ZNF354B: variants seen among roughly 807,000 people sequenced by gnomAD.
ZNF354B encodes the protein zinc finger protein 354B.
A neutral mutation model predicts 12.9 loss-of-function variants in ZNF354B; 10 were observed. That is an observed-to-expected ratio of 0.77 (90% CI 0.48 to 1.31). The LOEUF (loss-of-function observed/expected upper bound fraction) is 1.31, where lower values mean the gene tolerates loss of function less well. ZNF354B is among the 40% of genes most tolerant of loss of function. ZNF354B has a pLI of 0.00. For synonymous variants in ZNF354B, 260 were observed against 243.7 expected (o/e 1.07, Z -0.62); for missense variants, 614 against 711.7 (o/e 0.86, Z 1.56).
chr5:178,861,625 G>A (rs1460602191), intron 2 of ZNF354B, among the ~76,000 whole-genome samples: 1 of 151,954 alleles, frequency 6.6e-6, no homozygotes, highest in Admixed American at 6.6e-5. Context: ...TAGTTGAGAC[G>A]AGAGTGAACA....
chr5:178,883,833 A>G lies in ZNF354B; in HGVS notation c.1381A>G (p.Thr461Ala). 1 of 1,614,176 alleles carries G rather than the reference A, an allele frequency of 6.2e-7. No individual in the cohort carries two copies. The highest frequency in any genetic ancestry group is 1.1e-5 in the South Asian group (1 of 91,082). ...ACTTATTATTCATGAGCGAATTCAT[A>G]CTGGAGAAAAACCATGTAAATGTAA... Reference protein sequence around the residue: ...STLIIHERIHTGEKPCKCKVC... With the variant: ...STLIIHERIHAGEKPCKCKVC... Residue 461 changes from threonine (T) to alanine (A), a missense_variant, in exon 5 of 5, where the codon ACT becomes GCT. Thr to Ala is a moderately conservative substitution (Grantham distance 58, BLOSUM62 0). Coordinates refer to ENST00000322434, the MANE Select transcript of ZNF354B (RefSeq NM_058230.3).
At chr5:178,880,634 C>T (rs890729500) in intron 4 of ZNF354B, among the ~76,000 whole-genome samples, 60 of 151,732 alleles carry the variant, frequency 4.0e-4, no homozygotes, top group African/African-American at 1.4e-3. Flanking sequence ...GCCAGGACTG[C>T]AGATGAGTGC....
At position 178,876,418 on chromosome 5, in the gene ZNF354B, C is replaced by T. The variant is rs765180769; in HGVS notation, c.257-6291C>T. 1.3e-5 allele frequency among the ~76,000 whole-genome samples: 2 copies of T among 152,236 alleles called. 1 individual carries two copies. Among genetic ancestry groups the T allele is most frequent in the South Asian group, 4.1e-4 (2 of 4,832 alleles). On this transcript the variant is annotated intron_variant, in intron 4 of 4. Transcript: ENST00000322434. ...TGGCACAGCAAAAATAGCAGCCTGC[C>T]TCTCCCTTCGGGAGCTCTGACCTAG...
In ZNF354B at chr5:178,883,998, C is replaced by G; in HGVS notation, c.1546C>G (p.His516Asp). The G allele has an allele frequency of 6.2e-7, 1 of 1,614,110 alleles. No homozygotes were observed. The highest frequency in any genetic ancestry group is 8.5e-7 in the Non-Finnish European group (1 of 1,179,984). Residue 516 changes from histidine (H) to aspartate (D), a missense_variant, in exon 5 of 5, where the codon CAT becomes GAT. Transcript: ENST00000322434. ...NSSLSNHQRIHTGEKPYRCLE... is the reference protein window; with the variant it reads ...NSSLSNHQRIDTGEKPYRCLE... ...ATCGCTTAGTAATCACCAGAGAATT[C>G]ATACTGGAGAGAAACCATATCGATG... is the stretch of plus-strand genomic sequence containing the variant.
chr5:178,883,626 A>G lies in ZNF354B; in HGVS notation c.1174A>G (p.Ser392Gly). ...ATGTAGTGAATGTGGGAGAGCCTTCAGCCAGAGTGCCTCTCTTATTCAACA... is the reference window on the plus strand; with the variant it reads ...ATGTAGTGAATGTGGGAGAGCCTTCGGCCAGAGTGCCTCTCTTATTCAACA... ...FKCSECGRAF[S>G]QSASLIQHER... is the part of the protein sequence containing the mutation. The change falls in exon 5 of 5, where the codon AGC (serine) becomes GGC (glycine). Residue 392 changes from serine to glycine, a missense_variant. By Grantham distance (56) the Ser-to-Gly change is moderately conservative. Coordinates refer to ENST00000322434, the MANE Select transcript of ZNF354B (RefSeq NM_058230.3). 6.2e-7 allele frequency: 1 copy of G among 1,613,726 alleles called. No individual in the cohort carries two copies.
At chr5:178,874,425 T>A (rs1757607259) in intron 4 of ZNF354B, among the ~76,000 whole-genome samples, 1 of 152,198 alleles carries the variant, frequency 6.6e-6, no homozygotes, top group Non-Finnish European at 1.5e-5. Flanking sequence ...TTTCTCAGGT[T>A]TTGTTCATTG....
rs1299468843 is a variant in ZNF354B, at chr5:178,883,541, T to C, written c.1089T>C (p.Phe363=). The C allele has an allele frequency of 6.8e-6, 11 of 1,614,072 alleles. No individual in the cohort carries two copies. The highest frequency in any genetic ancestry group is 9.3e-6 in the Non-Finnish European group (11 of 1,179,994). ...SYLCNECGNT[F]KSSSSLRYHQ... ...TATGTAATGAATGTGGCAACACCTT[T>C]AAGTCTAGCTCATCCCTTCGTTATC... The change falls in exon 5 of 5, where the codon TTT becomes TTC. Residue 363 remains phenylalanine (F), a synonymous_variant. Transcript: ENST00000322434.
rs768360431 is a variant in ZNF354B, at chr5:178,884,325, G to A, written c.*34G>A. The A allele has an allele frequency of 6.6e-7, 1 of 1,526,634 alleles. No homozygotes were observed. Among genetic ancestry groups the A allele is most frequent in the Non-Finnish European group, 8.8e-7 (1 of 1,141,316 alleles). 94.6% of individuals were successfully genotyped at this position (1,526,634 alleles called of 1,614,324 possible). On this transcript the variant is annotated 3_prime_UTR_variant, in exon 5 of 5. Transcript: ENST00000322434. Reference sequence around the variant, plus strand: ...AACCAAAACTCATCAGAGAATACATGCTTGAGAGTGATTTATTAAATATAA... The same window carrying A: ...AACCAAAACTCATCAGAGAATACATACTTGAGAGTGATTTATTAAATATAA...
intron 4 of ZNF354B, among the ~76,000 whole-genome samples, chr5:178,868,202 C>T (rs1757494180): frequency 6.6e-6 from 1 of 150,750 alleles, no homozygotes; most frequent in South Asian, 2.1e-4. Flanking sequence ...GGTCAGGGAG[C>T]CCATCAGCAT....
At chr5:178,860,853 G>A (rs981287969) in intron 1 of ZNF354B, 144 bp from the exon 2 acceptor site, 2 of 478,242 alleles carry the variant, frequency 4.2e-6, no homozygotes, top group East Asian at 4.7e-5. Context: ...GCCCAGCGCT[G>A]CTCTGGTCCG....
intron 4 of ZNF354B, among the ~76,000 whole-genome samples, chr5:178,880,243 A>G (rs1278757313): frequency 6.7e-6 from 1 of 148,190 alleles, no homozygotes; most frequent in Non-Finnish European, 1.5e-5. Context: ...CTCTGTTGCC[A>G]GGCTTGAGTG....
At chr5:178,871,395 C>A (rs1367731962) in intron 4 of ZNF354B, among the ~76,000 whole-genome samples, 1 of 152,220 alleles carries the variant, frequency 6.6e-6, no homozygotes, top group Non-Finnish European at 1.5e-5. Context: ...CCTTGTGCTG[C>A]ACTGGCTTCG....
At chr5:178,879,535 A>C (rs1031292490) in intron 4 of ZNF354B, among the ~76,000 whole-genome samples, 2 of 151,688 alleles carry the variant, frequency 1.3e-5, no homozygotes, top group African/African-American at 4.8e-5. Flanking sequence ...ACCCGCCATC[A>C]TGCCCAGCTA....
At chr5:178,862,670 G>A (rs76195472) in intron 2 of ZNF354B, among the ~76,000 whole-genome samples, 22,593 of 152,224 alleles carry the variant, frequency 0.15, 2,060 homozygotes, top group African/African-American at 0.25. Flanking sequence ...GCCTGGCGGC[G>A]TTATCTTTTA....
In ZNF354B at chr5:178,882,574, A is replaced by G. The variant is rs76887564; in HGVS notation, c.257-135A>G. 4,604 of 782,666 alleles carry G rather than the reference A, an allele frequency of 5.9e-3. 163 individuals carry two copies. The African/African-American group carries it at 0.073, about 12-fold the overall frequency. 48.5% of individuals were successfully genotyped at this position (782,666 alleles called of 1,614,324 possible). A position where few individuals can be genotyped will look rare whatever the true frequency, so the allele number is the denominator to read the frequency against. ...TCAGCTGTCATCCATTATTTTATATAGTGTTTTTTAGAATTTTATCCTCTT... is the reference window on the plus strand; with the variant it reads ...TCAGCTGTCATCCATTATTTTATATGGTGTTTTTTAGAATTTTATCCTCTT... On this transcript the variant is annotated intron_variant, in intron 4 of 4. Coordinates refer to ENST00000322434, the MANE Select transcript of ZNF354B (RefSeq NM_058230.3).
At position 178,866,998 on chromosome 5, in the gene ZNF354B, A is replaced by G. The variant is rs1207247958; in HGVS notation, c.183A>G (p.Lys61=). The part of the protein sequence containing the change: ...VSLGLSFTKP[K]VISLLQQGED... ...CAGGACTCTCATTTACCAAACCAAAAGTCATCTCCCTGTTGCAGCAAGGAG... is the reference window on the plus strand; with the variant it reads ...CAGGACTCTCATTTACCAAACCAAAGGTCATCTCCCTGTTGCAGCAAGGAG... The change falls in exon 4 of 5, where the codon AAA becomes AAG. Residue 61 remains lysine (K), a synonymous_variant. Transcript: ENST00000322434. 1.2e-6 allele frequency: 2 copies of G among 1,613,936 alleles called. No homozygotes were observed. Among genetic ancestry groups the G allele is most frequent in the African/African-American group, 2.7e-5 (2 of 74,912 alleles).
intron 4 of ZNF354B, among the ~76,000 whole-genome samples, chr5:178,876,867 T>C (rs7448421): frequency 0.21 from 32,475 of 151,706 alleles, 3,834 homozygotes; most frequent in Non-Finnish European, 0.25. Context: ...GTCTTCTCCA[T>C]AGATGTTTTC....
At position 178,869,062 on chromosome 5, in the gene ZNF354B, G is replaced by A. The variant is rs1357449215; in HGVS notation, c.256+1991G>A. Among the ~76,000 whole-genome samples the A allele has an allele frequency of 2.0e-5, 3 of 152,186 alleles. 1 individual carries two copies. Among genetic ancestry groups the A allele is most frequent in the African/African-American group, 4.8e-5 (2 of 41,462 alleles). ...AGAGCCAGGCACCGAAGAGAGCCGC[G>A]GGCCTTGTCATAGAGTTTGGTTGGT... On this transcript the variant is annotated intron_variant, in intron 4 of 4. Transcript: ENST00000322434.
intron 2 of ZNF354B, among the ~76,000 whole-genome samples, chr5:178,863,055 G>A (rs929488667): frequency 3.9e-5 from 6 of 152,194 alleles, no homozygotes; most frequent in African/African-American, 1.4e-4. Context: ...GCTCTATGCA[G>A]ATACACAGTG....
Sources: gnomAD v4.1 joint callset for allele counts (sites outside exome capture counted in the v4.1 genomes callset) on GRCh38, gnomAD v4.1.1 for gene constraint, MANE v1.5 for transcripts, NCBI Gene and HGNC (gene_info 2026-07-23, HGNC 2026-07-21) for gene names.